The following TRAPPC9 variants were observed in gnomAD, a reference collection of about 807,000 sequenced individuals.
TRAPPC9 encodes the protein trafficking protein particle complex subunit 9.
In TRAPPC9, 83 loss-of-function variants were observed where a neutral mutation model predicts 124.0. The ratio of observed to expected loss-of-function variants is 0.67; its 90% CI spans 0.56 to 0.80. The LOEUF is 0.80. TRAPPC9 is among the 30% of genes least tolerant of loss of function. The pLI, the probability that TRAPPC9 is intolerant of heterozygous loss-of-function variation, is 0.00. For synonymous variants in TRAPPC9, 638 were observed against 617.5 expected, an observed-to-expected ratio of 1.03 and a Z score of -0.49; for missense variants, 1,302 against 1,508.3, an observed-to-expected ratio of 0.86 and a Z score of 2.27.
chr8:139,873,486 C>T (rs1433972943), intron 21 of TRAPPC9, among the ~76,000 whole-genome samples: 2 of 152,282 alleles, frequency 1.3e-5, no homozygotes, highest in Middle Eastern at 6.8e-3. Context: ...AAGCCAACTG[C>T]TCCCTGCACT....
chr8:140,326,608 G>A lies in TRAPPC9; in HGVS notation c.1496-15234C>T, dbSNP rs79841279. Among the ~76,000 whole-genome samples, 85 of 152,280 alleles carry A rather than the reference G, an allele frequency of 5.6e-4. 1 individual carries two copies. In the East Asian group the frequency reaches 0.016, roughly 28 times the overall value. On this transcript the variant is annotated intron_variant, in intron 9 of 22. Transcript: ENST00000438773. ...ATGTACATTATGGCCAGGTGTGATG[G>A]CTCACGCCTGTAATCCCTGCACTTT... is the stretch of plus-strand genomic sequence containing the variant.
intron 5 of TRAPPC9, among the ~76,000 whole-genome samples, chr8:140,415,110 C>T (rs920767493): frequency 2.0e-5 from 3 of 151,848 alleles, no homozygotes; most frequent in East Asian, 3.9e-4. Context: ...ACTTGGGAGG[C>T]GAAAGCAGGA....
chr8:140,287,619 A>G lies in TRAPPC9; in HGVS notation c.1970T>C (p.Ile657Thr). 1.9e-6 allele frequency: 3 copies of G among 1,614,154 alleles called. No individual in the cohort carries two copies. Among genetic ancestry groups the G allele is most frequent in the South Asian group, 1.1e-5 (1 of 91,082 alleles). The change falls in exon 13 of 23, where the codon ATT becomes ACT. Residue 657 changes from isoleucine (I) to threonine (T), a missense_variant. By Grantham distance (89) the Ile-to-Thr change is moderately conservative. Coordinates refer to ENST00000438773, the MANE Select transcript of TRAPPC9 (RefSeq NM_001160372.4). ...LVGVPQTTGTITVNGYHTTVF... is the reference protein window; with the variant it reads ...LVGVPQTTGTTTVNGYHTTVF... ...GGGACTCTCCTTACCGTTCACAGTAATCGTTCCAGTCGTCTGCGGGACCCC... is the reference window on the plus strand; with the variant it reads ...GGGACTCTCCTTACCGTTCACAGTAGTCGTTCCAGTCGTCTGCGGGACCCC...
intron 19 of TRAPPC9, among the ~76,000 whole-genome samples, chr8:139,966,761 T>C (rs552277291): frequency 2.7e-4 from 41 of 152,348 alleles, no homozygotes; most frequent in African/African-American, 9.6e-4. Context: ...AACAACAGCC[T>C]CATTTACATG....
intron 17 of TRAPPC9, among the ~76,000 whole-genome samples, chr8:140,036,243 C>T (rs1216235213): frequency 6.6e-6 from 1 of 151,320 alleles, no homozygotes; most frequent in Non-Finnish European, 1.5e-5. Flanking sequence ...AAAAAGAACA[C>T]TCTGGCTGCA....
intron 17 of TRAPPC9, among the ~76,000 whole-genome samples, chr8:140,195,079 T>G (rs970113281): frequency 6.7e-6 from 1 of 148,166 alleles, no homozygotes; most frequent in Admixed American, 6.7e-5. Flanking sequence ...TAAAACACAC[T>G]CAAGGATCCA....
At chr8:139,789,201 C>A (rs1317335324) in intron 21 of TRAPPC9, among the ~76,000 whole-genome samples, 1 of 146,738 alleles carries the variant, frequency 6.8e-6, no homozygotes, top group Non-Finnish European at 1.5e-5. Flanking sequence ...GGCGGGAGAC[C>A]CACGCCTGCC....
chr8:140,294,775 A>AT (rs2065759348), intron 11 of TRAPPC9, among the ~76,000 whole-genome samples: 5 of 151,428 alleles, frequency 3.3e-5, no homozygotes, highest in African/African-American at 1.2e-4. Flanking sequence ...GCCCGGCTAA[A>AT]TTTGTTTGTA....
At chr8:140,403,294 G>A (rs2069345675) in intron 6 of TRAPPC9, among the ~76,000 whole-genome samples, 1 of 152,072 alleles carries the variant, frequency 6.6e-6, no homozygotes, top group Non-Finnish European at 1.5e-5. Context: ...GCCGGGCATG[G>A]TGGCTCGCAC....
intron 6 of TRAPPC9, 91 bp downstream of exon 6, chr8:140,405,486 A>T: frequency 7.3e-7 from 1 of 1,361,698 alleles, no homozygotes; most frequent in Non-Finnish European, 1.0e-6. Context: ...ATAAATAATT[A>T]AGAGACACTG....
intron 9 of TRAPPC9, among the ~76,000 whole-genome samples, chr8:140,331,637 T>TCATCAA (rs1341986116): frequency 6.6e-6 from 1 of 151,664 alleles, no homozygotes; most frequent in African/African-American, 2.4e-5. Flanking sequence ...ATCATCATCA[T>TCATCAA]CATCACCACC....
intron 21 of TRAPPC9, among the ~76,000 whole-genome samples, chr8:139,761,756 C>T (rs1227349797): frequency 6.6e-6 from 1 of 151,890 alleles, no homozygotes; most frequent in Non-Finnish European, 1.5e-5. Context: ...CCCAGGCCCG[C>T]CCCGTTCTGC....
At chr8:140,338,768 G>A (rs112013278) in intron 9 of TRAPPC9, among the ~76,000 whole-genome samples, 2,832 of 130,274 alleles carry the variant, frequency 0.022, 50 homozygotes, top group Non-Finnish European at 0.037. Context: ...CCTACAGGCC[G>A]ACAGGAAACG....
At chr8:139,954,326 G>A (rs978659062) in intron 19 of TRAPPC9, among the ~76,000 whole-genome samples, 3 of 152,204 alleles carry the variant, frequency 2.0e-5, no homozygotes, top group Admixed American at 1.3e-4. Flanking sequence ...TGGACTGAGT[G>A]ACTGCGTCCC....
chr8:139,998,898 T>C (rs1838216074), intron 18 of TRAPPC9, among the ~76,000 whole-genome samples: 1 of 152,160 alleles, frequency 6.6e-6, no homozygotes, highest in African/African-American at 2.4e-5. Flanking sequence ...CACCAAGTGA[T>C]AAAATATTAT....
chr8:140,390,579 G>T (rs1292854561), intron 7 of TRAPPC9, among the ~76,000 whole-genome samples: 1 of 152,146 alleles, frequency 6.6e-6, no homozygotes. Flanking sequence ...CCTAAGGACT[G>T]GGTCAAAGAT....
chr8:140,150,800 C>T (rs1385391474), intron 17 of TRAPPC9, among the ~76,000 whole-genome samples: 1 of 143,718 alleles, frequency 7.0e-6, no homozygotes, highest in Non-Finnish European at 1.5e-5. Context: ...AGACCCTCAA[C>T]GCAGCCTCCA....
intron 13 of TRAPPC9, among the ~76,000 whole-genome samples, chr8:140,285,338 G>A (rs772979887): frequency 1.3e-5 from 2 of 152,124 alleles, no homozygotes; most frequent in Non-Finnish European, 2.9e-5. Flanking sequence ...CCAGGCCACG[G>A]CTATGGGCCT....
chr8:140,443,640 C>G (rs999703065), intron 2 of TRAPPC9, among the ~76,000 whole-genome samples: 3 of 152,088 alleles, frequency 2.0e-5, no homozygotes, highest in Non-Finnish European at 4.4e-5. Flanking sequence ...GTGGCTCACA[C>G]CTGAAATCTC....
Sources: allele counts gnomAD v4.1 joint callset (sites outside exome capture counted in the v4.1 genomes callset), GRCh38; gene constraint gnomAD v4.1.1; transcripts MANE v1.5; gene names NCBI Gene and HGNC (gene_info 2026-07-23, HGNC 2026-07-21).